SLC26A5: variants seen among roughly 807,000 people sequenced by gnomAD.
SLC26A5 encodes prestin.
SLC26A5 carries 51 observed loss-of-function variants against 81.0 expected under a neutral mutation model. That is an observed-to-expected ratio of 0.63 (90% CI 0.50 to 0.80). The LOEUF (loss-of-function observed/expected upper bound fraction) is 0.80, where lower values mean the gene tolerates loss of function less well. Among genes scored for constraint, SLC26A5 ranks in the 30% least tolerant of loss-of-function variants. SLC26A5 has a pLI of 0.00. For synonymous variants in SLC26A5, 325 were observed against 332.8 expected, an observed-to-expected ratio of 0.98 and a Z score of 0.25; for missense variants, 771 against 905.8, an observed-to-expected ratio of 0.85 and a Z score of 1.91.
At chr7:103,370,328 AAG>A (rs1157607894), downstream of SLC26A5, among the ~76,000 whole-genome samples, 2 of 151,994 alleles carry the variant, frequency 1.3e-5, no homozygotes, top group African/African-American at 4.8e-5. Flanking sequence ...GCAGACATAA[AAG>A]AGCCTTCCCC....
intron 7 of SLC26A5, 121 bp downstream of exon 7, chr7:103,410,264 T>G: frequency 1.1e-6 from 1 of 888,138 alleles, no homozygotes; most frequent in Non-Finnish European, 1.8e-6. Context: ...AATTTTTCCC[T>G]TTTTATGGAA....
At chr7:103,374,165 A>G (rs1821173883), downstream of SLC26A5, 2 of 1,310,972 alleles carry the variant, frequency 1.5e-6, no homozygotes, top group African/African-American at 1.5e-5. Context: ...ACTAGAATGT[A>G]GCAGAAATGT....
rs562533158 is a variant in SLC26A5, at chr7:103,399,501, C to A, written c.889-1487G>T. On this transcript the variant is annotated intron_variant, in intron 8 of 19. Transcript: ENST00000306312. ...AGGTATTGCTTCCTTGTGAGCTACG[C>A]CAGCCAGTTGTTTCCACAGCTAGAA... Among the ~76,000 whole-genome samples the A allele has an allele frequency of 2.0e-5, 3 of 152,266 alleles. No homozygotes were observed. In the South Asian group the frequency reaches 6.2e-4, roughly 32 times the overall value.
intron 6 of SLC26A5, 69 bp downstream of exon 6, chr7:103,411,351 A>G (rs921987274): frequency 1.1e-4 from 177 of 1,587,674 alleles, no homozygotes; most frequent in Non-Finnish European, 1.4e-4. Flanking sequence ...AAGACCAGCC[A>G]AGAGCACTCA....
At chr7:103,399,344 A>T (rs1823394055) in intron 8 of SLC26A5, among the ~76,000 whole-genome samples, 1 of 152,206 alleles carries the variant, frequency 6.6e-6, no homozygotes, top group Admixed American at 6.5e-5. Flanking sequence ...CTCCAAGTCA[A>T]AATGGGAACT....
At position 103,367,573 on chromosome 7, in the gene SLC26A5, G is replaced by A. The variant is rs1218156560; in HGVS notation, c.2041+9235C>T. On this transcript the variant is annotated intron_variant, in intron 19 of 19. Coordinates refer to the SLC26A5 transcript ENST00000339444. This position sits in a 1 kb window ranked among gnomAD's most constrained non-coding sequence, Gnocchi z 6.1. The stretch of plus-strand genomic sequence containing the variant: ...TGGATCCAGCACTGATGAGGCCAGG[G>A]AGATTGGATAGAAAAATTGAATTTA... 1 of 1,614,184 alleles carries A rather than the reference G, an allele frequency of 6.2e-7. No homozygotes were observed. Among genetic ancestry groups the A allele is most frequent in the East Asian group, 2.2e-5 (1 of 44,888 alleles).
intron 2 of SLC26A5, among the ~76,000 whole-genome samples, chr7:103,442,638 A>T (rs1318905501): frequency 2.0e-5 from 3 of 152,248 alleles, no homozygotes; most frequent in Non-Finnish European, 2.9e-5. Context: ...GTTGCTGAGA[A>T]CCATTGGTCC....
At chr7:103,363,752 T>C (rs1460245947) in intron 19 of SLC26A5, among the ~76,000 whole-genome samples, 1 of 152,166 alleles carries the variant, frequency 6.6e-6, no homozygotes, top group Non-Finnish European at 1.5e-5. Context: ...TCAAAAGACA[T>C]CGAGAAGAAA....
At chr7:103,403,858 G>A (rs958200231) in intron 8 of SLC26A5, among the ~76,000 whole-genome samples, 5 of 152,122 alleles carry the variant, frequency 3.3e-5, no homozygotes, top group Admixed American at 3.3e-4. Flanking sequence ...TTCAGTTGGG[G>A]CATTTAGCCC....
At chr7:103,426,764 A>T (rs753401001) in intron 2 of SLC26A5, among the ~76,000 whole-genome samples, 3 of 152,234 alleles carry the variant, frequency 2.0e-5, no homozygotes, top group Non-Finnish European at 2.9e-5. Context: ...TAACCATCTT[A>T]TCAGAGGCAG....
At chr7:103,431,322 TC>T (rs1470412884) in intron 2 of SLC26A5, among the ~76,000 whole-genome samples, 3 of 119,648 alleles carry the variant, frequency 2.5e-5, no homozygotes, top group Non-Finnish European at 4.7e-5. Flanking sequence ...TTTCTTTCTT[TC>T]TTTTTTTTTT....
At chr7:103,440,425 T>C (rs1355773724) in intron 2 of SLC26A5, among the ~76,000 whole-genome samples, 2 of 152,222 alleles carry the variant, frequency 1.3e-5, no homozygotes, top group Non-Finnish European at 2.9e-5. Context: ...CTTAAGAAAC[T>C]AGATGTATGG....
chr7:103,413,740 G>A (rs769060628), intron 4 of SLC26A5, among the ~76,000 whole-genome samples: 1 of 151,638 alleles, frequency 6.6e-6, no homozygotes, highest in African/African-American at 2.4e-5. Flanking sequence ...CACCCTCTAG[G>A]GGACTCTTTC....
In SLC26A5 at chr7:103,374,523, T is replaced by C; in HGVS notation, c.2111A>G (p.His704Arg). The C allele has an allele frequency of 6.2e-7, 1 of 1,613,988 alleles. No homozygotes were observed. Among genetic ancestry groups the C allele is most frequent in the Admixed American group, 1.7e-5 (1 of 60,016 alleles). Residue 704 changes from histidine to arginine, a missense_variant, in exon 20 of 20, where the codon CAC becomes CGC. His to Arg is a conservative substitution (Grantham distance 29). Coordinates refer to ENST00000306312, the MANE Select transcript of SLC26A5 (RefSeq NM_198999.3). ...ENPALWELLFHSIHDAVLGSQ... is the reference protein window; with the variant it reads ...ENPALWELLFRSIHDAVLGSQ... ...GCCTAAAACTGCATCATGAATGCTGTGGAACAGCAGCTCCCATAGGGCAGG... is the reference window on the plus strand; with the variant it reads ...GCCTAAAACTGCATCATGAATGCTGCGGAACAGCAGCTCCCATAGGGCAGG...
At chr7:103,401,883 G>C (rs1586288806) in intron 8 of SLC26A5, among the ~76,000 whole-genome samples, 1 of 152,290 alleles carries the variant, frequency 6.6e-6, no homozygotes, top group East Asian at 1.9e-4. Flanking sequence ...TGTTGAACCA[G>C]CCTTGCATCC....
chr7:103,392,867 C>T, intron 10 of SLC26A5, 52 bp downstream of exon 10: 4 of 1,609,266 alleles, frequency 2.5e-6, no homozygotes, highest in Non-Finnish European at 3.4e-6. Flanking sequence ...GTGAGCCAGA[C>T]ATTGGTGATT....
At chr7:103,437,637 T>C (rs904324256) in intron 2 of SLC26A5, among the ~76,000 whole-genome samples, 2 of 152,204 alleles carry the variant, frequency 1.3e-5, no homozygotes, top group African/African-American at 4.8e-5. Flanking sequence ...TGTGATAATA[T>C]GGATGAATCT....
At chr7:103,374,734 C>A (rs1390573816) in intron 19 of SLC26A5, 142 bp from the exon 20 acceptor site, 2 of 790,786 alleles carry the variant, frequency 2.5e-6, no homozygotes, top group Non-Finnish European at 3.9e-6. Context: ...GAGTCTCACT[C>A]TGTCACCCAG....
chr7:103,435,308 T>C (rs1324304987), intron 2 of SLC26A5, among the ~76,000 whole-genome samples: 1 of 152,162 alleles, frequency 6.6e-6, no homozygotes, highest in African/African-American at 2.4e-5. Flanking sequence ...ATAGTAATTG[T>C]TTATCTTGAT....
Sources: allele counts gnomAD v4.1 joint callset (sites outside exome capture counted in the v4.1 genomes callset), GRCh38; gene constraint gnomAD v4.1.1; non-coding constraint Gnocchi (gnomAD v3.1); transcripts MANE v1.5; gene names NCBI Gene and HGNC (gene_info 2026-07-23, HGNC 2026-07-21).